Variants in HNF4G observed in about 807,000 individuals in gnomAD.
The protein encoded by HNF4G is hepatocyte nuclear factor 4-gamma.
A neutral mutation model predicts 50.9 loss-of-function variants in HNF4G; 21 were observed. The ratio of observed to expected loss-of-function variants is 0.41; its 90% CI spans 0.29 to 0.59. The LOEUF (loss-of-function observed/expected upper bound fraction) is 0.59, where lower values mean the gene tolerates loss of function less well. HNF4G is among the 20% of genes least tolerant of loss of function. HNF4G has a pLI of 0.26. For synonymous variants in HNF4G, 198 were observed against 185.6 expected, an observed-to-expected ratio of 1.07 and a Z score of -0.54; for missense variants, 527 against 559.4, an observed-to-expected ratio of 0.94 and a Z score of 0.58.
At chr8:75,433,605 C>A (rs891095044) in intron 1 of HNF4G, among the ~76,000 whole-genome samples, 1 of 152,042 alleles carries the variant, frequency 6.6e-6, no homozygotes, top group African/African-American at 2.4e-5. Flanking sequence ...TACTGTGTTG[C>A]ACGGGCTGGT....
At chr8:75,422,093 T>C (rs927681139) in intron 1 of HNF4G, among the ~76,000 whole-genome samples, 1 of 152,000 alleles carries the variant, frequency 6.6e-6, no homozygotes, top group Admixed American at 6.6e-5. Context: ...CTGAGATCAG[T>C]GGGCAATACA....
At chr8:75,450,830 CATGGG>C (rs1363977083) in intron 1 of HNF4G, among the ~76,000 whole-genome samples, 1 of 152,122 alleles carries the variant, frequency 6.6e-6, no homozygotes, top group African/African-American at 2.4e-5. Flanking sequence ...ATGTTACTAT[CATGGG>C]AGTGGGTCAT....
intron 1 of HNF4G, among the ~76,000 whole-genome samples, chr8:75,468,981 CAA>C (rs1176094480): frequency 6.6e-6 from 1 of 151,102 alleles, no homozygotes; most frequent in African/African-American, 2.4e-5. Context: ...TGCTGCATGA[CAA>C]AAGAGTCATA....
intron 1 of HNF4G, among the ~76,000 whole-genome samples, chr8:75,473,137 G>A (rs1190880116): frequency 3.3e-5 from 5 of 152,066 alleles, no homozygotes; most frequent in Non-Finnish European, 4.4e-5. Flanking sequence ...GTGAAACTCC[G>A]TCTCTACTAA....
intron 1 of HNF4G, among the ~76,000 whole-genome samples, chr8:75,471,927 C>A (rs1812123579): frequency 6.6e-6 from 1 of 152,176 alleles, no homozygotes; most frequent in Non-Finnish European, 1.5e-5. Flanking sequence ...TGCTTCATGG[C>A]TTCTTACTTA....
At chr8:75,526,113 T>A (rs867916063) in intron 2 of HNF4G, among the ~76,000 whole-genome samples, 1 of 133,926 alleles carries the variant, frequency 7.5e-6, no homozygotes, top group African/African-American at 2.7e-5. Flanking sequence ...CAAATTTATT[T>A]ATTTATTTAT....
chr8:75,514,380 T>TTTG (rs1288768845), intron 2 of HNF4G, among the ~76,000 whole-genome samples: 4 of 149,982 alleles, frequency 2.7e-5, no homozygotes, highest in African/African-American at 9.8e-5. Context: ...CTTTTTTTTT[T>TTTG]TTGTTGTTGT....
chr8:75,463,440 A>C (rs1180157065), intron 1 of HNF4G, among the ~76,000 whole-genome samples: 1 of 152,118 alleles, frequency 6.6e-6, no homozygotes, highest in Non-Finnish European at 1.5e-5. Context: ...TCAACTTTTT[A>C]AACAATTGTT....
chr8:75,421,797 G>A (rs1191883681), intron 1 of HNF4G, among the ~76,000 whole-genome samples: 1 of 152,156 alleles, frequency 6.6e-6, no homozygotes, highest in African/African-American at 2.4e-5. Flanking sequence ...TGCTAGTAGA[G>A]GCCACTGCTG....
intron 1 of HNF4G, among the ~76,000 whole-genome samples, chr8:75,449,662 A>G (rs1006641768): frequency 7.2e-5 from 11 of 151,728 alleles, no homozygotes; most frequent in South Asian, 2.1e-4. Context: ...TCCCGCCACC[A>G]CGCCAGGCTA....
chr8:75,488,419 G>C (rs6991842), intron 1 of HNF4G, among the ~76,000 whole-genome samples: 3 of 151,722 alleles, frequency 2.0e-5, no homozygotes, highest in Admixed American at 2.0e-4. Flanking sequence ...GACTACAGGC[G>C]TGTGCCACCA....
At chr8:75,421,385 A>G (rs771399531) in intron 1 of HNF4G, among the ~76,000 whole-genome samples, 1 of 152,178 alleles carries the variant, frequency 6.6e-6, no homozygotes, top group Non-Finnish European at 1.5e-5. Flanking sequence ...CTTTTTATTC[A>G]ATTTTGTGAC....
chr8:75,543,372 A>T (rs1025327793), intron 1 of HNF4G, among the ~76,000 whole-genome samples: 2 of 152,146 alleles, frequency 1.3e-5, no homozygotes, highest in African/African-American at 4.8e-5. Flanking sequence ...GGAAGGAAGA[A>T]CAAGTTCTAG....
chr8:75,561,544 G>T (rs1056672278), intron 9 of HNF4G, among the ~76,000 whole-genome samples: 3 of 152,180 alleles, frequency 2.0e-5, no homozygotes, highest in Non-Finnish European at 2.9e-5. Context: ...AATAGAAGAT[G>T]CTCAATGACC....
chr8:75,450,247 T>A (rs1438349509), intron 1 of HNF4G, among the ~76,000 whole-genome samples: 1 of 152,232 alleles, frequency 6.6e-6, no homozygotes, highest in Non-Finnish European at 1.5e-5. Flanking sequence ...CTTTATCTGC[T>A]CATTGATTGA....
intron 2 of HNF4G, among the ~76,000 whole-genome samples, chr8:75,511,716 G>A (rs1213327642): frequency 1.3e-5 from 2 of 152,142 alleles, no homozygotes; most frequent in South Asian, 2.1e-4. Flanking sequence ...TCAGCCTCCC[G>A]TGTAGCTGGG....
At chr8:75,494,866 G>T (rs1812728369) in intron 2 of HNF4G, among the ~76,000 whole-genome samples, 1 of 151,816 alleles carries the variant, frequency 6.6e-6, no homozygotes, top group Non-Finnish European at 1.5e-5. Context: ...CTTTAAAAAG[G>T]TAACAAAAAC....
rs1355669112 is a variant in HNF4G, at chr8:75,558,878, A to G, written c.964A>G (p.Asn322Asp). The G allele has an allele frequency of 1.2e-6, 2 of 1,613,998 alleles. No homozygotes were observed. The highest frequency in any genetic ancestry group is 2.7e-5 in the African/African-American group (2 of 74,926). Residue 322 changes from asparagine (N) to aspartate (D), a missense_variant, in exon 8 of 10, where the codon AAT becomes GAT. Around this residue, in one of 5 missense-constraint regions of HNF4G, gnomAD observed 308 missense variants for 301.5 expected, o/e 1.02. Coordinates refer to ENST00000396423, the MANE Select transcript of HNF4G (RefSeq NM_004133.5). ...QVQIGLEDYI[N>D]DRQYDSRGRF... ...GCAGATCGGTTTGGAGGACTACATC[A>G]ATGATCGGCAGTATGACTCCCGGGG...
chr8:75,449,098 C>G (rs377216251), intron 1 of HNF4G, among the ~76,000 whole-genome samples: 7 of 152,130 alleles, frequency 4.6e-5, no homozygotes, highest in African/African-American at 1.7e-4. Flanking sequence ...GTTTCTTTCT[C>G]ATGTAACAAC....
Sources: gnomAD v4.1 joint callset for allele counts (sites outside exome capture counted in the v4.1 genomes callset) on GRCh38, gnomAD v4.1.1 for gene constraint, gnomAD v4.1.1 regional missense constraint, MANE v1.5 for transcripts, NCBI Gene and HGNC (gene_info 2026-07-23, HGNC 2026-07-21) for gene names.